The following PICALM variants were observed in gnomAD, a reference collection of about 807,000 sequenced individuals.
The protein encoded by PICALM is phosphatidylinositol binding clathrin assembly protein, also known as phosphatidylinositol-binding clathrin assembly protein.
Under a neutral mutation model 80.5 loss-of-function variants are expected in PICALM, and 40 were observed. That is an observed-to-expected ratio of 0.50 (90% CI 0.39 to 0.65). The LOEUF is 0.65. PICALM is among the 30% of genes least tolerant of loss of function. PICALM has a pLI of 0.00. For synonymous variants in PICALM, 288 were observed against 260.3 expected (o/e 1.11, Z -1.02); for missense variants, 676 against 778.9 (o/e 0.87, Z 1.57).
intron 1 of PICALM, among the ~76,000 whole-genome samples, chr11:86,062,144 G>C (rs1369740405): frequency 6.6e-6 from 1 of 152,180 alleles, no homozygotes; most frequent in Admixed American, 6.5e-5. Flanking sequence ...GAGTATTTCA[G>C]GGCAGATAAA....
At chr11:86,005,651 C>T (rs1384475517) in intron 8 of PICALM, among the ~76,000 whole-genome samples, 1 of 151,844 alleles carries the variant, frequency 6.6e-6, no homozygotes, top group South Asian at 2.1e-4. Context: ...GATGCAGTGA[C>T]CCATGATTTT....
At chr11:85,968,409 T>C (rs1167100523) in intron 19 of PICALM, among the ~76,000 whole-genome samples, 1 of 152,186 alleles carries the variant, frequency 6.6e-6, no homozygotes, top group Non-Finnish European at 1.5e-5. Flanking sequence ...AATAGGCAGA[T>C]TGATATGTGA....
intron 18 of PICALM, 22 bp from the exon 19 acceptor site, chr11:85,974,834 A>AC (rs1468028588): frequency 2.1e-6 from 3 of 1,450,962 alleles, no homozygotes; most frequent in Non-Finnish European, 2.9e-6. Context: ...AAAAATATCA[A>AC]AAGATACTGA....
intron 7 of PICALM, among the ~76,000 whole-genome samples, chr11:86,008,494 C>T (rs188146390): frequency 1.3e-5 from 2 of 152,200 alleles, no homozygotes; most frequent in Admixed American, 1.3e-4. Context: ...GTGGCAGGCA[C>T]CTGTAATCCC....
At position 86,001,164 on chromosome 11, in the gene PICALM, A is replaced by G. The variant is rs1292678245; in HGVS notation, c.894-6T>C. The G allele has an allele frequency of 3.1e-6, 5 of 1,612,112 alleles. No homozygotes were observed. In the Admixed American group the frequency reaches 8.4e-5, roughly 27 times the overall value. On this transcript the variant is annotated splice_region_variant and splice_polypyrimidine_tract_variant and intron_variant, in intron 9 of 19. Transcript: ENST00000393346. ...CATTGGAAAGTGTAGTTGCCCTAGG[A>G]TAATTGAACAGAGATAATTTGGCTT...
chr11:85,959,633 C>CAAAA (rs1161064257), intron 19 of PICALM, among the ~76,000 whole-genome samples: 891 of 44,892 alleles, frequency 0.02, 81 homozygotes, highest in African/African-American at 0.027. Context: ...AACTCCATCT[C>CAAAA]AAAAAAAAAA....
intron 19 of PICALM, among the ~76,000 whole-genome samples, chr11:85,965,330 T>A (rs934648406): frequency 6.6e-6 from 1 of 152,202 alleles, no homozygotes; most frequent in Non-Finnish European, 1.5e-5. Flanking sequence ...CTACCCAGTC[T>A]ATGGTATTCT....
intron 2 of PICALM, among the ~76,000 whole-genome samples, chr11:86,026,657 A>G (rs1482145028): frequency 1.3e-5 from 2 of 152,224 alleles, no homozygotes; most frequent in African/African-American, 4.8e-5. Flanking sequence ...ACAGCATACT[A>G]AAACTATAGC....
intron 11 of PICALM, among the ~76,000 whole-genome samples, chr11:85,997,976 T>C (rs1237665152): frequency 6.6e-6 from 1 of 151,868 alleles, no homozygotes; most frequent in African/African-American, 2.4e-5. Flanking sequence ...GAGACAGGGT[T>C]TCACCACACT....
chr11:86,019,063 C>T (rs1031657624), intron 4 of PICALM, among the ~76,000 whole-genome samples: 1 of 152,044 alleles, frequency 6.6e-6, no homozygotes, highest in Non-Finnish European at 1.5e-5. Flanking sequence ...AGGTTAGACA[C>T]ACTAAAATGT....
At chr11:86,051,634 C>A (rs533601402) in intron 1 of PICALM, among the ~76,000 whole-genome samples, 1 of 152,158 alleles carries the variant, frequency 6.6e-6, no homozygotes, top group East Asian at 1.9e-4. Context: ...GCACTCCAGC[C>A]TGCGTAACAG....
At chr11:86,021,932 A>AT (rs1165633127) in intron 4 of PICALM, among the ~76,000 whole-genome samples, 1 of 152,240 alleles carries the variant, frequency 6.6e-6, no homozygotes, top group African/African-American at 2.4e-5. Context: ...CACATATTGT[A>AT]TAATTTCATT....
At chr11:86,023,442 AT>A in intron 3 of PICALM, 1 of 985,170 alleles carries the variant, frequency 1.0e-6, no homozygotes, top group Non-Finnish European at 1.2e-6. Context: ...CAGGTGTTAC[AT>A]GCTCACATTC....
chr11:85,988,766 G>T (rs1416288533), intron 13 of PICALM, among the ~76,000 whole-genome samples: 8 of 152,140 alleles, frequency 5.3e-5, no homozygotes, highest in Admixed American at 5.2e-4. Context: ...CAAGCACTTG[G>T]CATTCTTCAA....
At chr11:85,992,289 T>G (rs572556344) in intron 12 of PICALM, among the ~76,000 whole-genome samples, 13 of 151,830 alleles carry the variant, frequency 8.6e-5, no homozygotes, top group East Asian at 3.9e-4. Context: ...GTTTTGTTTT[T>G]TTTTTTTTTG....
At chr11:86,057,913 C>T (rs1436023220) in intron 1 of PICALM, among the ~76,000 whole-genome samples, 3 of 152,018 alleles carry the variant, frequency 2.0e-5, no homozygotes, top group Admixed American at 2.0e-4. Flanking sequence ...TGGAACCAAT[C>T]CCCTATAGAT....
chr11:86,052,431 GAA>G (rs2096205081), intron 1 of PICALM, among the ~76,000 whole-genome samples: 1 of 152,182 alleles, frequency 6.6e-6, no homozygotes, highest in South Asian at 2.1e-4. Flanking sequence ...CCTGAAGACT[GAA>G]AGTTTCCTTT....
intron 19 of PICALM, chr11:85,960,635 A>T: frequency 1.2e-6 from 1 of 819,424 alleles, no homozygotes; most frequent in Non-Finnish European, 1.8e-6. Flanking sequence ...AATTGTTTTT[A>T]AGTATTTAAG....
chr11:85,995,186 A>G (rs1055936686), intron 12 of PICALM, among the ~76,000 whole-genome samples: 1 of 152,208 alleles, frequency 6.6e-6, no homozygotes, highest in Admixed American at 6.5e-5. Flanking sequence ...TTTATCACCA[A>G]CTCAGAAGCC....
Sources: allele counts gnomAD v4.1 joint callset (sites outside exome capture counted in the v4.1 genomes callset), GRCh38; gene constraint gnomAD v4.1.1; transcripts MANE v1.5; gene names NCBI Gene and HGNC (gene_info 2026-07-23, HGNC 2026-07-21).